Variants in GHRH observed in about 807,000 individuals in gnomAD.
GHRH encodes the protein growth hormone releasing hormone, also known as somatoliberin.
A neutral mutation model predicts 15.6 loss-of-function variants in GHRH; 7 were observed. The observed-to-expected ratio is 0.45, with a 90% CI of 0.26 to 0.84. The LOEUF (loss-of-function observed/expected upper bound fraction) is 0.84, where lower values mean the gene tolerates loss of function less well. Ranked by LOEUF, GHRH falls within the 40% of genes least tolerant of loss-of-function variation. GHRH has a pLI of 0.18. For synonymous variants in GHRH, 54 were observed against 50.4 expected (o/e 1.07, Z -0.30); for missense variants, 117 against 138.0 (o/e 0.85, Z 0.76).
chr20:37,257,717 G>A (rs192480031), intron 1 of GHRH, among the ~76,000 whole-genome samples: 133 of 152,230 alleles, frequency 8.7e-4, no homozygotes, highest in Non-Finnish European at 1.2e-3. Context: ...TTAGCTGTGT[G>A]TCCCAGGACA....
intron 4 of GHRH, 22 bp downstream of exon 4, chr20:37,254,188 A>G (rs2068640891): frequency 6.2e-7 from 1 of 1,613,546 alleles, no homozygotes. Context: ...CCCTAGATGC[A>G]CCCATGCACA....
At chr20:37,259,012 T>A (rs1275265702) in intron 1 of GHRH, among the ~76,000 whole-genome samples, 2 of 152,152 alleles carry the variant, frequency 1.3e-5, no homozygotes, top group Non-Finnish European at 2.9e-5. Context: ...AGAGTTGAGC[T>A]TATAGGCATG....
rs117645479 is a variant in GHRH at position 37,251,285 on chromosome 20, A to G, written c.309-54T>C. 7.5e-3 allele frequency: 11,243 copies of G among 1,503,246 alleles called. 48 individuals carry two copies. Among genetic ancestry groups the G allele is most frequent in the Non-Finnish European group, 9.0e-3 (9,869 of 1,092,126 alleles). The allele number at this position is 1,503,246 out of a possible 1,614,324, so 93.1% of individuals were successfully genotyped here. ...GGGGAATTGAAGTAAGGGTGGCTAGAGTGGGATGCATGGAACCAGGGTGAC... is the reference window on the plus strand; with the variant it reads ...GGGGAATTGAAGTAAGGGTGGCTAGGGTGGGATGCATGGAACCAGGGTGAC... On this transcript the variant is annotated intron_variant, in intron 4 of 4. Transcript: ENST00000373614.
At chr20:37,255,322 A>G (rs1178101487) in intron 3 of GHRH, among the ~76,000 whole-genome samples, 1 of 152,140 alleles carries the variant, frequency 6.6e-6, no homozygotes, top group Non-Finnish European at 1.5e-5. Flanking sequence ...AGAGTCAGGC[A>G]GTTTGGCTCC....
intron 4 of GHRH, among the ~76,000 whole-genome samples, chr20:37,251,858 G>A (rs1174437521): frequency 6.6e-6 from 1 of 152,224 alleles, no homozygotes; most frequent in Non-Finnish European, 1.5e-5. Flanking sequence ...CTGCTCACCA[G>A]TGATATCCTG....
rs6104306 is a variant in GHRH, at chr20:37,258,129, G to A, written c.-19-1221C>T. On this transcript the variant is annotated intron_variant, in intron 1 of 4. Transcript: ENST00000373614. This position sits in a 1 kb window ranked among gnomAD's most constrained non-coding sequence, Gnocchi z 4.1. ...AAACAGCCAGCAGGGGACAGAGCCCGCCTCCGCTGGGGCAAGTGCCACTGC... is the reference window on the plus strand; with the variant it reads ...AAACAGCCAGCAGGGGACAGAGCCCACCTCCGCTGGGGCAAGTGCCACTGC... Among the ~76,000 whole-genome samples, 5,447 of 152,284 alleles carry A rather than the reference G, an allele frequency of 0.036. 140 individuals are homozygous for A. The highest frequency in any genetic ancestry group is 0.071 in the African/African-American group (2,961 of 41,554).
chr20:37,259,710 G>A (rs149477958), intron 1 of GHRH, among the ~76,000 whole-genome samples: 1 of 152,280 alleles, frequency 6.6e-6, no homozygotes, highest in African/African-American at 2.4e-5. Flanking sequence ...TCCCTCTGGA[G>A]CAGGCATCCC....
At chr20:37,261,563 C>A (rs1277574067) in intron 1 of GHRH, among the ~76,000 whole-genome samples, 180 bp downstream of exon 1, 1 of 152,210 alleles carries the variant, frequency 6.6e-6, no homozygotes, top group Non-Finnish European at 1.5e-5. Flanking sequence ...CCATCAAAAG[C>A]CTATTCCAGA....
In GHRH at chr20:37,256,464, T is replaced by C; in HGVS notation, c.118A>G (p.Ser40Gly). The C allele has an allele frequency of 6.2e-7, 1 of 1,613,414 alleles. No individual in the cohort carries two copies. Among genetic ancestry groups the C allele is most frequent in the South Asian group, 1.1e-5 (1 of 91,014 alleles). ...AGCTGGCCCAGCACCTTCCGGTAGC[T>C]GTTGGTGAAGATGGCATCTGCATAC... ...RRYADAIFTNSYRKVLGQLSA... is the reference protein window; with the variant it reads ...RRYADAIFTNGYRKVLGQLSA... Residue 40 changes from serine to glycine, a missense_variant, in exon 3 of 5, where the codon AGC (serine) becomes GGC (glycine). Coordinates refer to ENST00000373614, the MANE Select transcript of GHRH (RefSeq NM_021081.6).
chr20:37,251,611 G>A (rs1025900735), intron 4 of GHRH, among the ~76,000 whole-genome samples: 4 of 152,154 alleles, frequency 2.6e-5, no homozygotes, highest in East Asian at 1.9e-4. Context: ...TTGCTGCTTC[G>A]GTGTGTTATG....
At chr20:37,252,684 C>A (rs919393854) in intron 4 of GHRH, among the ~76,000 whole-genome samples, 1 of 151,678 alleles carries the variant, frequency 6.6e-6, no homozygotes, top group African/African-American at 2.4e-5. Context: ...AGGTGGATCA[C>A]CTGAGGTCAG....
At chr20:37,253,120 G>C (rs2068631949) in intron 4 of GHRH, among the ~76,000 whole-genome samples, 1 of 152,236 alleles carries the variant, frequency 6.6e-6, no homozygotes, top group South Asian at 2.1e-4. Flanking sequence ...CATGAAGTGG[G>C]GGCTTTGTGC....
chr20:37,254,600 T>A (rs1418166716), intron 3 of GHRH, among the ~76,000 whole-genome samples: 4 of 152,168 alleles, frequency 2.6e-5, no homozygotes, highest in Non-Finnish European at 4.4e-5. Context: ...GTTAACCAAC[T>A]GATCAAAGTT....
chr20:37,254,357 T>G, intron 3 of GHRH, 28 bp from the exon 4 acceptor site: 3 of 1,613,846 alleles, frequency 1.9e-6, no homozygotes, highest in Non-Finnish European at 2.5e-6. Flanking sequence ...GAGAACTAGT[T>G]GCTATTTGGG....
rs1161752710 is a variant in GHRH at position 37,258,198 on chromosome 20, G to A, written c.-19-1290C>T. Among the ~76,000 whole-genome samples, 1 of 152,210 alleles carries A rather than the reference G, an allele frequency of 6.6e-6. No individual in the cohort carries two copies. The highest frequency in any genetic ancestry group is 1.5e-5 in the Non-Finnish European group (1 of 68,030). Reference sequence around the variant, plus strand: ...CAAGCATGGAAACACGGCTGGCCTCGGGGGACTTGGCCACCTAGGAATTGG... The same window carrying A: ...CAAGCATGGAAACACGGCTGGCCTCAGGGGACTTGGCCACCTAGGAATTGG... On this transcript the variant is annotated intron_variant, in intron 1 of 4. Transcript: ENST00000373614. The surrounding 1 kb of genome is among the most constrained non-coding windows in gnomAD (Gnocchi z 4.1).
At chr20:37,260,216 A>G (rs2068680458) in intron 1 of GHRH, among the ~76,000 whole-genome samples, 1 of 152,234 alleles carries the variant, frequency 6.6e-6, no homozygotes, top group Non-Finnish European at 1.5e-5. Context: ...TGCCCCAGGC[A>G]TAGGTCAAGA....
intron 1 of GHRH, among the ~76,000 whole-genome samples, chr20:37,260,420 C>A (rs1215640542): frequency 6.7e-6 from 1 of 149,124 alleles, no homozygotes; most frequent in African/African-American, 2.5e-5. Context: ...ACACACAAAA[C>A]AAAACAAAAA....
At chr20:37,260,410 AC>A (rs2068681543) in intron 1 of GHRH, among the ~76,000 whole-genome samples, 1 of 150,684 alleles carries the variant, frequency 6.6e-6, no homozygotes, top group African/African-American at 2.5e-5. Context: ...AAAAAAAAAA[AC>A]ACACAAAACA....
At chr20:37,253,283 T>C (rs556404235) in intron 4 of GHRH, among the ~76,000 whole-genome samples, 1 of 152,278 alleles carries the variant, frequency 6.6e-6, no homozygotes, top group South Asian at 2.1e-4. Context: ...TCATCACGTC[T>C]CTCGTCTGCT....
Sources: gnomAD v4.1 joint callset for allele counts (sites outside exome capture counted in the v4.1 genomes callset) on GRCh38, gnomAD v4.1.1 for gene constraint, Gnocchi (gnomAD v3.1) non-coding constraint, MANE v1.5 for transcripts, NCBI Gene and HGNC (gene_info 2026-07-23, HGNC 2026-07-21) for gene names.